The following TASP1 variants were observed in gnomAD, a reference collection of about 807,000 sequenced individuals.
TASP1 encodes threonine aspartase 1.
In TASP1, 16 loss-of-function variants were observed where a neutral mutation model predicts 56.6. That is an observed-to-expected ratio of 0.28 (90% CI 0.19 to 0.43). The LOEUF is 0.43. Among genes scored for constraint, TASP1 ranks in the 20% least tolerant of loss-of-function variants. TASP1 has a pLI of 1.00. For synonymous variants in TASP1, 179 were observed against 184.2 expected, an observed-to-expected ratio of 0.97 and a Z score of 0.23; for missense variants, 393 against 511.6, an observed-to-expected ratio of 0.77 and a Z score of 2.24.
intron 8 of TASP1, among the ~76,000 whole-genome samples, chr20:13,543,483 C>T (rs952671510): frequency 6.6e-6 from 1 of 152,130 alleles, no homozygotes; most frequent in Non-Finnish European, 1.5e-5. Flanking sequence ...GCACCTGTAG[C>T]CCAGCTACTC....
At chr20:13,237,139 C>G in the TASP1 span, among the ~76,000 whole-genome samples, 2 of 152,178 alleles carry the variant, frequency 1.3e-5, no homozygotes, top group Admixed American at 1.3e-4. Context: ...GAAGTCCCTC[C>G]CACAACACAT....
chr20:13,236,574 C>T, the TASP1 span, among the ~76,000 whole-genome samples: 3 of 152,156 alleles, frequency 2.0e-5, no homozygotes, highest in Non-Finnish European at 4.4e-5. Context: ...CCCAAAAGTC[C>T]ACAGTCCAAA....
the TASP1 span, among the ~76,000 whole-genome samples, chr20:13,120,835 C>T: frequency 6.6e-6 from 1 of 152,234 alleles, no homozygotes; most frequent in Non-Finnish European, 1.5e-5. Context: ...CTCAAGGAAA[C>T]TGCTAACAGT....
chr20:13,539,870 T>TA (rs2045558732), intron 8 of TASP1, among the ~76,000 whole-genome samples: 2 of 152,186 alleles, frequency 1.3e-5, no homozygotes, highest in South Asian at 4.1e-4. Flanking sequence ...ATCTTTTAAA[T>TA]AATGAATTGG....
At chr20:13,520,023 T>C (rs1319547325) in intron 10 of TASP1, among the ~76,000 whole-genome samples, 2 of 152,158 alleles carry the variant, frequency 1.3e-5, no homozygotes, top group Non-Finnish European at 1.5e-5. Flanking sequence ...CCATTCACAA[T>C]TGCTTCAAAG....
At chr20:13,580,807 A>G (rs1156481541) in intron 6 of TASP1, 90 bp downstream of exon 6, 2 of 1,285,760 alleles carry the variant, frequency 1.6e-6, no homozygotes, top group African/African-American at 1.5e-5. Context: ...TCGCAAAGGC[A>G]TGCTACCTGG....
chr20:13,355,846 C>G, the TASP1 span, among the ~76,000 whole-genome samples: 1,599 of 152,258 alleles, frequency 0.011, 26 homozygotes, highest in African/African-American at 0.037. Flanking sequence ...TCTCCCAAGC[C>G]CCTAGTCCTG....
intron 11 of TASP1, among the ~76,000 whole-genome samples, chr20:13,470,554 A>G (rs1444058502): frequency 6.6e-6 from 1 of 152,212 alleles, no homozygotes; most frequent in Non-Finnish European, 1.5e-5. Context: ...CTTATGTCAC[A>G]AGGAAAGAAA....
chr20:13,447,429 T>C (rs2043451625), intron 11 of TASP1, among the ~76,000 whole-genome samples: 1 of 152,138 alleles, frequency 6.6e-6, no homozygotes, highest in Non-Finnish European at 1.5e-5. Flanking sequence ...CCCCCAATTT[T>C]GTTTGGGGCA....
intron 13 of TASP1, among the ~76,000 whole-genome samples, chr20:13,391,871 G>A (rs1416580563): frequency 6.6e-6 from 1 of 151,734 alleles, no homozygotes; most frequent in African/African-American, 2.4e-5. Context: ...GGGAGGCTGA[G>A]GCAGGAGAAT....
At chr20:13,251,410 G>A in the TASP1 span, among the ~76,000 whole-genome samples, 1 of 152,234 alleles carries the variant, frequency 6.6e-6, no homozygotes, top group Non-Finnish European at 1.5e-5. Flanking sequence ...TGAAAATGGA[G>A]CGTGAAGAGA....
At chr20:13,417,116 C>T (rs2042282228) in intron 13 of TASP1, among the ~76,000 whole-genome samples, 1 of 152,224 alleles carries the variant, frequency 6.6e-6, no homozygotes, top group African/African-American at 2.4e-5. Flanking sequence ...TATGTCAGCT[C>T]ATCAGCTTCA....
intron 11 of TASP1, among the ~76,000 whole-genome samples, chr20:13,462,374 A>G (rs1253444333): frequency 1.3e-5 from 2 of 152,198 alleles, no homozygotes; most frequent in Non-Finnish European, 2.9e-5. Flanking sequence ...GCCAGATGTG[A>G]CTAATGACTG....
intron 11 of TASP1, among the ~76,000 whole-genome samples, chr20:13,449,130 C>A (rs938612349): frequency 6.6e-6 from 1 of 151,922 alleles, no homozygotes; most frequent in Non-Finnish European, 1.5e-5. Context: ...ACACTATAGT[C>A]CAAAGGCACC....
the TASP1 span, among the ~76,000 whole-genome samples, chr20:13,265,755 C>T: frequency 6.6e-6 from 1 of 152,106 alleles, no homozygotes; most frequent in Non-Finnish European, 1.5e-5. Flanking sequence ...TGGGTCATCA[C>T]AACTCAGAAA....
At chr20:13,294,200 C>CTTGA in the TASP1 span, among the ~76,000 whole-genome samples, 1 of 152,054 alleles carries the variant, frequency 6.6e-6, no homozygotes, top group East Asian at 1.9e-4. Context: ...TTTTTAAATG[C>CTTGA]TTGATAGAAA....
chr20:13,344,613 G>T, the TASP1 span, among the ~76,000 whole-genome samples: 1 of 152,174 alleles, frequency 6.6e-6, no homozygotes, highest in South Asian at 2.1e-4. Context: ...AGCCTCATTT[G>T]ATAACATCCT....
At chr20:13,241,987 A>T in the TASP1 span, among the ~76,000 whole-genome samples, 1 of 152,210 alleles carries the variant, frequency 6.6e-6, no homozygotes, top group East Asian at 1.9e-4. Flanking sequence ...CACTTGTTGA[A>T]GAAGGAAAGT....
At chr20:13,404,989 A>G (rs1235954159) in intron 13 of TASP1, among the ~76,000 whole-genome samples, 1 of 152,194 alleles carries the variant, frequency 6.6e-6, no homozygotes, top group Non-Finnish European at 1.5e-5. Context: ...AGAGCCAGAT[A>G]CACTTATTTA....
Sources: allele counts gnomAD v4.1 joint callset (sites outside exome capture counted in the v4.1 genomes callset), GRCh38; gene constraint gnomAD v4.1.1; transcripts MANE v1.5; gene names NCBI Gene and HGNC (gene_info 2026-07-23, HGNC 2026-07-21).